Variants in NINJ2 observed in about 807,000 individuals in gnomAD.
NINJ2 encodes ninjurin-2.
In NINJ2, 12 loss-of-function variants were observed where a neutral mutation model predicts 11.7. The observed-to-expected ratio is 1.02, with a 90% CI of 0.66 to 1.66. The LOEUF is 1.66. Ranked by LOEUF, NINJ2 falls within the 40% of genes most tolerant of loss-of-function variation. NINJ2 has a pLI of 0.00. For missense variants in NINJ2, 187 were observed against 181.8 expected (o/e 1.03, Z -0.16); for synonymous variants, 93 against 76.8 (o/e 1.21, Z -1.10).
At chr12:577,507 C>T (rs1414969250) in intron 1 of NINJ2, among the ~76,000 whole-genome samples, 1 of 144,380 alleles carries the variant, frequency 6.9e-6, no homozygotes, top group African/African-American at 2.6e-5. Context: ...AATTCTCCTG[C>T]CTCAGCCTCC....
intron 1 of NINJ2, among the ~76,000 whole-genome samples, chr12:660,532 G>C (rs1364193845): frequency 6.6e-6 from 1 of 151,650 alleles, no homozygotes; most frequent in African/African-American, 2.4e-5. Flanking sequence ...GTAGAGACAG[G>C]GTTTCACTAT....
In NINJ2 at chr12:640,595, G is replaced by A. The variant is rs1014619494; in HGVS notation, c.33+22733C>T. ...GCTGGAGTGTAGTGGTGTGATATGG[G>A]CTCACTGCAACCTCAGCCTCTAGGG... On this transcript the variant is annotated intron_variant, in intron 1 of 3. Coordinates refer to ENST00000305108, the MANE Select transcript of NINJ2 (RefSeq NM_016533.6). This position sits in a 1 kb window ranked among gnomAD's most constrained non-coding sequence, Gnocchi z 4.0. Among the ~76,000 whole-genome samples the A allele has an allele frequency of 2.0e-5, 3 of 152,038 alleles. No individual in the cohort carries two copies. Among genetic ancestry groups the A allele is most frequent in the South Asian group, 2.1e-4 (1 of 4,824 alleles).
chr12:615,443 C>G (rs1948080681), intron 1 of NINJ2, among the ~76,000 whole-genome samples: 2 of 152,136 alleles, frequency 1.3e-5, no homozygotes, highest in African/African-American at 4.8e-5. Flanking sequence ...AAAAAATTAG[C>G]CGGGCGTAGT....
intron 1 of NINJ2, among the ~76,000 whole-genome samples, chr12:589,182 C>T (rs1276442781): frequency 1.3e-5 from 2 of 152,058 alleles, no homozygotes; most frequent in Non-Finnish European, 2.9e-5. Flanking sequence ...TGGCCTACAA[C>T]CACACAATTA....
At chr12:617,220 G>GTT (rs1258380731) in intron 1 of NINJ2, among the ~76,000 whole-genome samples, 1 of 151,148 alleles carries the variant, frequency 6.6e-6, no homozygotes, top group Non-Finnish European at 1.5e-5. Context: ...AAAAAAGTGT[G>GTT]TTCACCCCCT....
chr12:639,046 A>G (rs1948389612), intron 1 of NINJ2, among the ~76,000 whole-genome samples: 1 of 152,168 alleles, frequency 6.6e-6, no homozygotes, highest in South Asian at 2.1e-4. Context: ...AATTAAAGCA[A>G]TCAGGCACAG....
chr12:646,679 A>G (rs534256729), intron 1 of NINJ2, among the ~76,000 whole-genome samples: 6 of 152,338 alleles, frequency 3.9e-5, no homozygotes. Context: ...AGGAAACTGC[A>G]GCTGAAGAGG....
intron 1 of NINJ2, among the ~76,000 whole-genome samples, chr12:618,846 ATC>A: frequency 6.6e-6 from 1 of 152,310 alleles, no homozygotes; most frequent in Middle Eastern, 3.4e-3. Context: ...GACTCCCTCC[ATC>A]TCTGGCTTTG....
chr12:660,540 T>A (rs1937944559), intron 1 of NINJ2, among the ~76,000 whole-genome samples: 1 of 151,820 alleles, frequency 6.6e-6, no homozygotes, highest in Non-Finnish European at 1.5e-5. Context: ...AGGGTTTCAC[T>A]ATGTTGGCCA....
intron 1 of NINJ2, among the ~76,000 whole-genome samples, chr12:647,578 T>G (rs1202959033): frequency 6.6e-6 from 1 of 152,204 alleles, no homozygotes; most frequent in Non-Finnish European, 1.5e-5. Flanking sequence ...TGCTGACATC[T>G]CTGCGTGACT....
At chr12:635,872 C>A (rs570092740) in intron 1 of NINJ2, among the ~76,000 whole-genome samples, 1 of 152,106 alleles carries the variant, frequency 6.6e-6, no homozygotes, top group Non-Finnish European at 1.5e-5. Context: ...GTCAGGAGTT[C>A]GAGACCAGCC....
At chr12:601,867 G>A (rs778213002) in intron 1 of NINJ2, among the ~76,000 whole-genome samples, 29 of 152,274 alleles carry the variant, frequency 1.9e-4, no homozygotes, top group East Asian at 5.8e-4. Flanking sequence ...GATAGAGTGC[G>A]ACTCTGTGTC....
intron 1 of NINJ2, among the ~76,000 whole-genome samples, chr12:607,881 G>A (rs527680675): frequency 1.3e-5 from 2 of 152,208 alleles, no homozygotes; most frequent in Non-Finnish European, 2.9e-5. Context: ...ATTCTTGGCA[G>A]GAGCAAAGTT....
chr12:660,892 C>T (rs527710513), intron 1 of NINJ2, among the ~76,000 whole-genome samples: 19 of 152,174 alleles, frequency 1.2e-4, no homozygotes, highest in South Asian at 2.1e-4. Flanking sequence ...ACCCAGGAGG[C>T]GGAGGTTGCA....
chr12:573,582 C>CAA, intron 1 of NINJ2, among the ~76,000 whole-genome samples: 1 of 150,624 alleles, frequency 6.6e-6, no homozygotes, highest in South Asian at 2.1e-4. Context: ...CCATCTAAAA[C>CAA]AAAAAAAACA....
chr12:565,338 G>T lies in NINJ2; in HGVS notation c.326C>A (p.Thr109Asn). The part of the protein sequence containing the change: ...WRLNQLNNAA[T>N]ILVFFTVVIN... The stretch of plus-strand genomic sequence containing the variant: ...GACCACAGTGAAGAAGACCAAGATG[G>T]TGGCTGCGTTGTTGAGCTGGTTGAG... Residue 109 changes from threonine (T) to asparagine (N), a missense_variant, in exon 3 of 4, where the codon ACC becomes AAC. Transcript: ENST00000305108. The T allele has an allele frequency of 6.2e-7, 1 of 1,614,242 alleles. No individual in the cohort carries two copies. Among genetic ancestry groups the T allele is most frequent in the South Asian group, 1.1e-5 (1 of 91,088 alleles).
intron 1 of NINJ2, among the ~76,000 whole-genome samples, chr12:613,362 C>T (rs184276064): frequency 0.012 from 1,770 of 152,272 alleles, 115 homozygotes; most frequent in Admixed American, 0.11. Flanking sequence ...AATCCCAGCA[C>T]TTTTGTAGGC....
intron 1 of NINJ2, 53 bp downstream of exon 1, chr12:663,275 A>C (rs1937983454): frequency 6.5e-7 from 1 of 1,532,630 alleles, no homozygotes; most frequent in African/African-American, 1.4e-5. Flanking sequence ...CTGTTCTTCC[A>C]GCTTCACCTC....
intron 1 of NINJ2, among the ~76,000 whole-genome samples, chr12:600,988 T>C (rs1947859220): frequency 6.6e-6 from 1 of 152,200 alleles, no homozygotes; most frequent in Non-Finnish European, 1.5e-5. Flanking sequence ...GTTAAAACAC[T>C]CCCAATTCCT....
Sources: gnomAD v4.1 joint callset for allele counts (sites outside exome capture counted in the v4.1 genomes callset) on GRCh38, gnomAD v4.1.1 for gene constraint, Gnocchi (gnomAD v3.1) non-coding constraint, MANE v1.5 for transcripts, NCBI Gene and HGNC (gene_info 2026-07-23, HGNC 2026-07-21) for gene names.